FAM13B: variants seen among roughly 807,000 people sequenced by gnomAD.
FAM13B encodes family with sequence similarity 13 member B.
A neutral mutation model predicts 117.3 loss-of-function variants in FAM13B; 60 were observed. The observed-to-expected ratio is 0.51, with a 90% CI of 0.42 to 0.63. The LOEUF (loss-of-function observed/expected upper bound fraction) is 0.63, where lower values mean the gene tolerates loss of function less well. Ranked by LOEUF, FAM13B falls within the 30% of genes least tolerant of loss-of-function variation. FAM13B has a pLI of 0.00. For synonymous variants in FAM13B, 332 were observed against 356.1 expected (o/e 0.93, Z 0.76); for missense variants, 972 against 1,091.9 (o/e 0.89, Z 1.55).
intron 10 of FAM13B, among the ~76,000 whole-genome samples, chr5:137,968,927 C>T (rs1305994645): frequency 1.3e-5 from 2 of 152,216 alleles, no homozygotes; most frequent in African/African-American, 4.8e-5. Flanking sequence ...CACACCAGGA[C>T]ATTATATCCC....
chr5:137,955,329 G>C (rs1335792750), intron 14 of FAM13B, among the ~76,000 whole-genome samples: 1 of 152,186 alleles, frequency 6.6e-6, no homozygotes, highest in Non-Finnish European at 1.5e-5. Flanking sequence ...ACATTAAACT[G>C]TGATGGTTAT....
chr5:138,046,459 CT>C (rs1791643787), intron 1 of FAM13B, among the ~76,000 whole-genome samples: 2 of 152,214 alleles, frequency 1.3e-5, no homozygotes, highest in African/African-American at 4.8e-5. Context: ...TCTATTTTCT[CT>C]TTCCCTAATT....
chr5:138,051,961 C>G (rs1452882133), exon 1 of FAM13B: 1 of 151,978 alleles, frequency 6.6e-6, no homozygotes, highest in East Asian at 1.9e-4. Context: ...GTCCAGAAAA[C>G]AAGGTTGAAA....
chr5:138,010,263 GAGCC>G (rs1783641346), intron 6 of FAM13B, among the ~76,000 whole-genome samples: 1 of 152,162 alleles, frequency 6.6e-6, no homozygotes, highest in African/African-American at 2.4e-5. Context: ...TTACAGGCAT[GAGCC>G]ACCACGCCTG....
chr5:137,943,958 T>A (rs907900120), intron 20 of FAM13B, among the ~76,000 whole-genome samples: 2 of 152,224 alleles, frequency 1.3e-5, no homozygotes, highest in Non-Finnish European at 2.9e-5. Context: ...TGTGCAACTA[T>A]CTCCACTAAT....
chr5:137,959,903 A>C, intron 12 of FAM13B, 140 bp from the exon 13 acceptor site: 1 of 781,418 alleles, frequency 1.3e-6, no homozygotes, highest in South Asian at 1.9e-5. Context: ...CCCACTGTGC[A>C]AACTATTTTC....
intron 8 of FAM13B, 32 bp downstream of exon 8, chr5:137,988,242 A>T: frequency 6.7e-7 from 1 of 1,491,006 alleles, no homozygotes; most frequent in Non-Finnish European, 9.0e-7. Context: ...TTAAAATCTT[A>T]AAAATTTGTC....
upstream of FAM13B, chr5:138,036,831 T>A (rs1311070592): frequency 8.8e-6 from 3 of 339,742 alleles, no homozygotes; most frequent in Non-Finnish European, 1.7e-5. Flanking sequence ...GGGGACCATG[T>A]GTGCAGACAT....
rs1043031847 is a variant in FAM13B, at chr5:138,011,094, C to G, written c.604G>C (p.Ala202Pro). 1 of 1,608,726 alleles carries G rather than the reference C, an allele frequency of 6.2e-7. No homozygotes were observed. The highest frequency in any genetic ancestry group is 1.1e-5 in the South Asian group (1 of 89,530). Residue 202 changes from alanine to proline, a missense_variant, in exon 6 of 24, where the codon GCT (alanine) becomes CCT (proline). Transcript: ENST00000689681. The part of the protein sequence containing the change: ...KEQEIVSRIM[A>P]GLLENYYEFF... ...TCATAGTAGTTTTCCAGAAGTCCAG[C>G]CATTATCCTGCTCACTATTTCTTGC...
intron 1 of FAM13B, among the ~76,000 whole-genome samples, chr5:138,044,041 C>T (rs894484879): frequency 1.2e-4 from 18 of 152,100 alleles, no homozygotes; most frequent in African/African-American, 4.1e-4. Flanking sequence ...ACCTCAACCT[C>T]CTATGTAGCT....
chr5:138,020,306 A>T (rs1786384407), intron 2 of FAM13B, among the ~76,000 whole-genome samples: 1 of 152,128 alleles, frequency 6.6e-6, no homozygotes, highest in Non-Finnish European at 1.5e-5. Context: ...GTGATCAGCC[A>T]GCCTCAGCCT....
At chr5:137,987,430 AT>A (rs1397549886) in intron 9 of FAM13B, 30 bp downstream of exon 9, 1 of 1,565,454 alleles carries the variant, frequency 6.4e-7, no homozygotes, top group Non-Finnish European at 8.7e-7. Flanking sequence ...ATTTTATAAC[AT>A]TTAATAAACA....
intron 7 of FAM13B, among the ~76,000 whole-genome samples, chr5:138,005,623 A>G (rs1233946779): frequency 6.6e-6 from 1 of 152,030 alleles, no homozygotes; most frequent in South Asian, 2.1e-4. Flanking sequence ...AAAATAAATT[A>G]GAAGGTCATG....
chr5:137,948,884 C>T (rs1308414894), intron 18 of FAM13B, 71 bp downstream of exon 18: 1 of 1,183,584 alleles, frequency 8.4e-7, no homozygotes, highest in African/African-American at 1.5e-5. Context: ...CATCTCTACC[C>T]TGCTATAGTA....
chr5:137,994,743 G>A (rs902990342), intron 7 of FAM13B, among the ~76,000 whole-genome samples: 1 of 152,130 alleles, frequency 6.6e-6, no homozygotes, highest in Non-Finnish European at 1.5e-5. Flanking sequence ...CATCAGTCAA[G>A]CACAACATTG....
At chr5:138,034,873 ACCT>A (rs1790947627), upstream of FAM13B, among the ~76,000 whole-genome samples, 2 of 150,048 alleles carry the variant, frequency 1.3e-5, no homozygotes, top group Admixed American at 6.7e-5. Context: ...AGAGTTAAAA[ACCT>A]CCTCCGCCTG....
At chr5:138,041,063 CAA>C (rs5871662) in intron 1 of FAM13B, among the ~76,000 whole-genome samples, 11 of 70,438 alleles carry the variant, frequency 1.6e-4, no homozygotes, top group Non-Finnish European at 2.0e-4. Context: ...GACTCCATCT[CAA>C]AAAAAAAAAA....
At chr5:137,948,931 G>A in intron 18 of FAM13B, 24 bp downstream of exon 18, 2 of 1,583,836 alleles carry the variant, frequency 1.3e-6, no homozygotes, top group Non-Finnish European at 1.7e-6. Flanking sequence ...GCTAATCTGG[G>A]CAAAAATCAT....
chr5:138,003,691 G>A (rs796853904), intron 7 of FAM13B, among the ~76,000 whole-genome samples: 8 of 152,220 alleles, frequency 5.3e-5, no homozygotes, highest in African/African-American at 1.9e-4. Context: ...CTGGCCATGG[G>A]AATAGAGACA....
Sources: allele counts gnomAD v4.1 joint callset (sites outside exome capture counted in the v4.1 genomes callset), GRCh38; gene constraint gnomAD v4.1.1; transcripts MANE v1.5; gene names NCBI Gene and HGNC (gene_info 2026-07-23, HGNC 2026-07-21).